The following UNC13C variants were observed in gnomAD, a reference collection of about 807,000 sequenced individuals.
UNC13C encodes the protein protein unc-13 homolog C.
Under a neutral mutation model 245.4 loss-of-function variants are expected in UNC13C, and 174 were observed. The ratio of observed to expected loss-of-function variants is 0.71; its 90% confidence interval spans 0.63 to 0.80. UNC13C has a LOEUF of 0.80. UNC13C is among the 30% of genes least tolerant of loss of function. The pLI is 0.00. For missense variants in UNC13C, 2,829 were observed against 2,602.9 expected (o/e 1.09, Z -1.89); for synonymous variants, 992 against 895.1 (o/e 1.11, Z -1.93).
rs565800142 is a variant in UNC13C, at chr15:54,436,218, A to G, written c.4933+21151A>G. On this transcript the variant is annotated intron_variant, in intron 19 of 32. Transcript: ENST00000260323. ...AGAACTAGAAACTGGTAATTGTTTC[A>G]TGACTAAAATATTATGAGCATAATC... Among the ~76,000 whole-genome samples the G allele has an allele frequency of 2.0e-5, 3 of 152,068 alleles. No homozygotes were observed. The South Asian group carries it at 6.2e-4, about 31-fold the overall frequency.
At chr15:54,500,006 A>T (rs1894128075) in intron 20 of UNC13C, 73 bp from the exon 21 acceptor site, 2 of 1,146,558 alleles carry the variant, frequency 1.7e-6, no homozygotes. Flanking sequence ...TCATATGCAA[A>T]AAGAGCAGCA....
chr15:54,459,958 G>A (rs1891747372), intron 19 of UNC13C, among the ~76,000 whole-genome samples: 1 of 152,124 alleles, frequency 6.6e-6, no homozygotes, highest in Admixed American at 6.6e-5. Flanking sequence ...TATTTTCTGA[G>A]TGTTATAGAA....
intron 4 of UNC13C, among the ~76,000 whole-genome samples, chr15:54,201,179 G>T (rs2034510049): frequency 2.0e-5 from 3 of 151,812 alleles, no homozygotes; most frequent in African/African-American, 7.2e-5. Context: ...TAAAAAAGTT[G>T]CCAACAACAA....
intron 4 of UNC13C, among the ~76,000 whole-genome samples, chr15:54,146,599 G>A (rs1362428330): frequency 1.3e-5 from 2 of 152,166 alleles, no homozygotes; most frequent in African/African-American, 4.8e-5. Flanking sequence ...CAGAGAAGAG[G>A]TGACAGAAAA....
At chr15:53,872,142 C>T in the UNC13C span, among the ~76,000 whole-genome samples, 11 of 152,276 alleles carry the variant, frequency 7.2e-5, no homozygotes, top group South Asian at 4.1e-4. Context: ...CCTTCCTTAC[C>T]GCCTTTGTTT....
In UNC13C at chr15:54,442,287, G is replaced by C. The variant is rs532322245; in HGVS notation, c.4933+27220G>C. ...TTTTTTTGAGACAGGATCTCACTCT[G>C]TTGCCCAGGCTGGAGTGCACTGGCT... On this transcript the variant is annotated intron_variant, in intron 19 of 32. Transcript: ENST00000260323. Among the ~76,000 whole-genome samples, 6 of 128,686 alleles carry C rather than the reference G, an allele frequency of 4.7e-5. No homozygotes were observed. In the East Asian group the frequency reaches 1.4e-3, roughly 30 times the overall value. The allele number at this position is 128,686 out of a possible 152,430, so 84.4% of individuals were successfully genotyped here. A position where few individuals can be genotyped will look rare whatever the true frequency, so the allele number is the denominator to read the frequency against.
intron 2 of UNC13C, among the ~76,000 whole-genome samples, chr15:54,135,837 A>G (rs1045848503): frequency 1.1e-4 from 17 of 152,256 alleles, no homozygotes; most frequent in African/African-American, 3.1e-4. Flanking sequence ...TCTGTAAAAA[A>G]GCCATTGGAA....
rs67281110 is a variant in UNC13C, at chr15:54,121,408, CAA to C, written c.2984-21604_2984-21603del. Reference sequence around the variant, plus strand: ...ACCTAATGCTATTAAACTAGGAAACCAAAAAAAGTGTGTGACTCACTTCATTC... The same window carrying C: ...ACCTAATGCTATTAAACTAGGAAACCAAAAAGTGTGTGACTCACTTCATTC... On this transcript the variant is annotated intron_variant, in intron 2 of 32. Coordinates refer to ENST00000260323, the MANE Select transcript of UNC13C (RefSeq NM_001080534.3). Among the ~76,000 whole-genome samples, 1,271 of 151,862 alleles carry C rather than the reference CAA, an allele frequency of 8.4e-3. 21 individuals are homozygous for C. The highest frequency in any genetic ancestry group is 0.03 in the African/African-American group (1,226 of 41,440).
chr15:54,366,415 C>T (rs949349612), intron 17 of UNC13C, among the ~76,000 whole-genome samples: 8 of 151,948 alleles, frequency 5.3e-5, no homozygotes, highest in African/African-American at 1.9e-4. Context: ...TTTTAAATCC[C>T]CAGGAAAAAA....
intron 19 of UNC13C, among the ~76,000 whole-genome samples, chr15:54,445,582 C>T (rs8034769): frequency 0.078 from 11,878 of 152,214 alleles, 528 homozygotes; most frequent in African/African-American, 0.12. Flanking sequence ...CTGTTGGCTG[C>T]ATAAATGTCT....
chr15:53,915,418 G>A, the UNC13C span, among the ~76,000 whole-genome samples: 3 of 152,290 alleles, frequency 2.0e-5, no homozygotes, highest in South Asian at 4.1e-4. Context: ...GTATTACAGA[G>A]GCCTAAAGAG....
chr15:53,899,617 T>C, the UNC13C span, among the ~76,000 whole-genome samples: 1 of 152,320 alleles, frequency 6.6e-6, no homozygotes, highest in Non-Finnish European at 1.5e-5. Flanking sequence ...AGTTTCACTC[T>C]TGTTGCCCAG....
Position 54,143,669 on chromosome 15 carries a change from T to A in UNC13C, c.3056T>A (p.Leu1019His). 6.2e-7 allele frequency: 1 copy of A among 1,613,288 alleles called. No individual in the cohort carries two copies. Among genetic ancestry groups the A allele is most frequent in the Non-Finnish European group, 8.5e-7 (1 of 1,179,358 alleles). ...TTGGATGCTTCCAAATTTTCTGCAC[T>A]CCAGGTGTGTGGTGGGTAAGTACCT... ...NDLDASKFSA[L>H]QVCGGAGGGL... Residue 1019 changes from leucine to histidine, a missense_variant, in exon 4 of 33, where the codon CTC becomes CAC. By Grantham distance (99) the Leu-to-His change is moderately conservative. Coordinates refer to ENST00000260323, the MANE Select transcript of UNC13C (RefSeq NM_001080534.3).
intron 2 of UNC13C, among the ~76,000 whole-genome samples, chr15:54,140,374 A>G (rs1056579701): frequency 6.6e-6 from 1 of 152,174 alleles, no homozygotes; most frequent in Admixed American, 6.5e-5. Context: ...GTCATCTCCT[A>G]TATTTCAGGA....
At chr15:54,487,327 T>C (rs1322817274) in intron 19 of UNC13C, among the ~76,000 whole-genome samples, 1 of 152,234 alleles carries the variant, frequency 6.6e-6, no homozygotes, top group African/African-American at 2.4e-5. Flanking sequence ...GCACTATTTC[T>C]TTAATTTTCT....
intron 2 of UNC13C, among the ~76,000 whole-genome samples, chr15:54,021,540 G>A (rs556485713): frequency 3.5e-4 from 54 of 152,244 alleles, no homozygotes; most frequent in African/African-American, 1.2e-3. Flanking sequence ...TTTAAAGACC[G>A]TGTAGTGTTC....
chr15:54,172,737 T>A (rs147209685), intron 4 of UNC13C, among the ~76,000 whole-genome samples: 15,689 of 103,584 alleles, frequency 0.15, 2,084 homozygotes, highest in Middle Eastern at 0.28. Context: ...TATATATATA[T>A]ATATATATAT....
chr15:53,896,288 C>T, the UNC13C span, among the ~76,000 whole-genome samples: 1 of 152,054 alleles, frequency 6.6e-6, no homozygotes, highest in African/African-American at 2.4e-5. Flanking sequence ...GTACCAAATA[C>T]AATTAAGTGA....
At chr15:53,939,578 A>G in the UNC13C span, among the ~76,000 whole-genome samples, 1 of 152,202 alleles carries the variant, frequency 6.6e-6, no homozygotes, top group East Asian at 1.9e-4. Flanking sequence ...CATTGATGCA[A>G]AAATCCTCAA....
Sources: gnomAD v4.1 joint callset for allele counts (sites outside exome capture counted in the v4.1 genomes callset) on GRCh38, gnomAD v4.1.1 for gene constraint, MANE v1.5 for transcripts, NCBI Gene and HGNC (gene_info 2026-07-23, HGNC 2026-07-21) for gene names.